Variants in ANKRD44 observed in about 807,000 individuals in gnomAD.
The protein encoded by ANKRD44 is serine/threonine-protein phosphatase 6 regulatory ankyrin repeat subunit B.
In ANKRD44, 35 loss-of-function variants were observed where a neutral mutation model predicts 116.0. The observed-to-expected ratio is 0.30, with a 90% confidence interval of 0.23 to 0.40. ANKRD44 has a LOEUF of 0.40. ANKRD44 is among the 10% of genes least tolerant of loss of function. ANKRD44 has a pLI of 1.00. For synonymous variants in ANKRD44, 435 were observed against 461.8 expected, an observed-to-expected ratio of 0.94 and a Z score of 0.74; for missense variants, 1,014 against 1,242.6, an observed-to-expected ratio of 0.82 and a Z score of 2.77.
intron 2 of ANKRD44, among the ~76,000 whole-genome samples, chr2:197,181,591 A>G (rs905146033): frequency 3.3e-5 from 5 of 152,282 alleles, no homozygotes; most frequent in African/African-American, 1.2e-4. Context: ...AGTCTCTAAG[A>G]CTCAAAGGAA....
At position 197,001,792 on chromosome 2, in the gene ANKRD44, T is replaced by C. The variant is rs190440911; in HGVS notation, c.2396A>G (p.Lys799Arg). The C allele has an allele frequency of 2.0e-5, 33 of 1,613,822 alleles. No homozygotes were observed. The highest frequency in any genetic ancestry group is 2.6e-5 in the Non-Finnish European group (31 of 1,179,814). Residue 799 changes from lysine to arginine, a missense_variant, in exon 22 of 28, where the codon AAA becomes AGA. Physicochemically the swap from Lys to Arg is conservative, Grantham distance 26. Coordinates refer to ENST00000282272, the MANE Select transcript of ANKRD44 (RefSeq NM_001195144.2). ...TGGAGTAAAGGGATTACCGATAAAT[T>C]TGCGAAAACATTTTTGCTCCAAAAG... ...EVLLEQKCFR[K>R]FIGNPFTPLH...
chr2:197,204,099 G>T (rs189038330), intron 1 of ANKRD44, among the ~76,000 whole-genome samples: 24 of 152,098 alleles, frequency 1.6e-4, no homozygotes, highest in African/African-American at 5.8e-4. Context: ...GGTGTATTTT[G>T]CCACAATAAA....
chr2:197,085,296 A>G (rs564659753), intron 13 of ANKRD44, among the ~76,000 whole-genome samples: 1 of 152,296 alleles, frequency 6.6e-6, no homozygotes, highest in South Asian at 2.1e-4. Context: ...CGGGGCCCAA[A>G]GATAGGGAGA....
At chr2:197,187,669 TC>T (rs2080715955) in intron 1 of ANKRD44, among the ~76,000 whole-genome samples, 1 of 151,846 alleles carries the variant, frequency 6.6e-6, no homozygotes, top group African/African-American at 2.4e-5. Flanking sequence ...TCTCTCTCTC[TC>T]TCTCTCTCCC....
chr2:197,053,084 T>C (rs926841359), intron 16 of ANKRD44, among the ~76,000 whole-genome samples: 4 of 152,116 alleles, frequency 2.6e-5, no homozygotes, highest in Non-Finnish European at 5.9e-5. Flanking sequence ...GGCAGGAGAA[T>C]TGCTTGAACC....
At chr2:197,178,192 C>A (rs1431692180) in intron 2 of ANKRD44, among the ~76,000 whole-genome samples, 1 of 152,160 alleles carries the variant, frequency 6.6e-6, no homozygotes, top group African/African-American at 2.4e-5. Context: ...CCACGCTGAG[C>A]ACAGTGGCTC....
At chr2:197,061,371 G>A (rs906222364) in intron 16 of ANKRD44, among the ~76,000 whole-genome samples, 9 of 152,172 alleles carry the variant, frequency 5.9e-5, no homozygotes, top group African/African-American at 1.7e-4. Context: ...CCCCATACCC[G>A]GGCAGTGACA....
Position 197,051,151 on chromosome 2 carries a change from G to A in ANKRD44, c.1651-25884C>T, listed in dbSNP as rs2077099561. On this transcript the variant is annotated intron_variant, in intron 16 of 27. Transcript: ENST00000282272. ...CTAATTTTTGTATTTTTTAGAGACG[G>A]GGTTTCGCCGTGTTGCCCAGGCTGG... Among the ~76,000 whole-genome samples, 3 of 151,650 alleles carry A rather than the reference G, an allele frequency of 2.0e-5. No homozygotes were observed. In the South Asian group the frequency reaches 6.3e-4, roughly 32 times the overall value.
At chr2:197,228,714 G>T (rs2081779658) in intron 1 of ANKRD44, among the ~76,000 whole-genome samples, 1 of 152,184 alleles carries the variant, frequency 6.6e-6, no homozygotes, top group Non-Finnish European at 1.5e-5. Flanking sequence ...ACAGGCAAAG[G>T]AAAGAAACAA....
At chr2:197,016,598 C>G (rs1250536064) in intron 17 of ANKRD44, among the ~76,000 whole-genome samples, 1 of 152,170 alleles carries the variant, frequency 6.6e-6, no homozygotes, top group African/African-American at 2.4e-5. Context: ...AAACCATGAT[C>G]TGAATGGGCA....
chr2:197,275,197 C>T (rs1024260401), intron 1 of ANKRD44, among the ~76,000 whole-genome samples: 3 of 151,848 alleles, frequency 2.0e-5, no homozygotes, highest in East Asian at 3.9e-4. Flanking sequence ...TCATTGCAGC[C>T]TCAACCTCGC....
chr2:197,151,717 A>T (rs2079656506), intron 2 of ANKRD44, among the ~76,000 whole-genome samples: 1 of 152,254 alleles, frequency 6.6e-6, no homozygotes, highest in Non-Finnish European at 1.5e-5. Flanking sequence ...TACAAAATTT[A>T]AAATATCTAG....
chr2:197,185,374 G>A (rs970990947), intron 2 of ANKRD44, among the ~76,000 whole-genome samples: 2 of 152,182 alleles, frequency 1.3e-5, no homozygotes, highest in African/African-American at 4.8e-5. Context: ...CAAATGACTC[G>A]CCTTCTGAAT....
Position 197,048,735 on chromosome 2 carries a change from TC to T in ANKRD44, c.1651-23469del, listed in dbSNP as rs1208158871. Among the ~76,000 whole-genome samples, 6 of 152,236 alleles carry T rather than the reference TC, an allele frequency of 3.9e-5. No homozygotes were observed. The East Asian group carries it at 1.2e-3, about 29-fold the overall frequency. ...TGGGATTGCTGGGTCAAATGGTATT[TC>T]TAGTTCTAGATCCTTGAGGAATGCC... On this transcript the variant is annotated intron_variant, in intron 16 of 27. Transcript: ENST00000282272.
intron 27 of ANKRD44, 39 bp from the exon 28 acceptor site, chr2:196,989,688 AT>A (rs1444776391): frequency 1.3e-6 from 2 of 1,547,950 alleles, no homozygotes; most frequent in Non-Finnish European, 1.7e-6. Flanking sequence ...CACTATGTTG[AT>A]TTCATCATCA....
intron 21 of ANKRD44, among the ~76,000 whole-genome samples, chr2:196,977,547 A>G (rs971048507): frequency 1.3e-5 from 2 of 152,266 alleles, no homozygotes; most frequent in Non-Finnish European, 2.9e-5. Flanking sequence ...ATTTGAACAT[A>G]CATTTGTCCA....
chr2:197,120,283 T>C (rs1049953477), intron 8 of ANKRD44, among the ~76,000 whole-genome samples: 1 of 152,126 alleles, frequency 6.6e-6, no homozygotes, highest in African/African-American at 2.4e-5. Context: ...CTTAGTAAAT[T>C]TGCTGAATAA....
At chr2:197,132,768 T>C (rs1484298608) in intron 4 of ANKRD44, among the ~76,000 whole-genome samples, 3 of 152,154 alleles carry the variant, frequency 2.0e-5, no homozygotes, top group Non-Finnish European at 4.4e-5. Flanking sequence ...ATAGCTTAAA[T>C]TGAAAACCCA....
At chr2:197,059,474 C>T (rs1013963135) in intron 16 of ANKRD44, among the ~76,000 whole-genome samples, 2 of 152,142 alleles carry the variant, frequency 1.3e-5, no homozygotes, top group African/African-American at 4.8e-5. Flanking sequence ...CCTTCTGATC[C>T]AATGACAGCT....
Sources: gnomAD v4.1 joint callset for allele counts (sites outside exome capture counted in the v4.1 genomes callset) on GRCh38, gnomAD v4.1.1 for gene constraint, MANE v1.5 for transcripts, NCBI Gene and HGNC (gene_info 2026-07-23, HGNC 2026-07-21) for gene names.